Variants in CLIC6 observed in about 807,000 individuals in gnomAD.
CLIC6 encodes CLIC family member 6.
CLIC6 carries 39 observed loss-of-function variants against 49.2 expected under a neutral mutation model. The observed-to-expected ratio is 0.79, with a 90% CI of 0.61 to 1.04. The LOEUF (loss-of-function observed/expected upper bound fraction) is 1.04, where lower values mean the gene tolerates loss of function less well. Ranked by LOEUF, CLIC6 falls within the 50% of genes least tolerant of loss-of-function variation. The pLI is 0.00. For synonymous variants in CLIC6, 446 were observed against 433.4 expected, an observed-to-expected ratio of 1.03 and a Z score of -0.36; for missense variants, 988 against 993.1, an observed-to-expected ratio of 0.99 and a Z score of 0.07.
intron 5 of CLIC6, among the ~76,000 whole-genome samples, chr21:34,712,437 G>A (rs147876988): frequency 8.5e-5 from 13 of 152,272 alleles, no homozygotes; most frequent in East Asian, 3.9e-4. Flanking sequence ...ATGTTTCTCC[G>A]TATCTTTAGC....
At chr21:34,680,272 C>T (rs1989752293) in intron 1 of CLIC6, among the ~76,000 whole-genome samples, 1 of 152,208 alleles carries the variant, frequency 6.6e-6, no homozygotes, top group African/African-American at 2.4e-5. Flanking sequence ...CTGAGTTGTA[C>T]CTCGGCCCCT....
intron 5 of CLIC6, among the ~76,000 whole-genome samples, chr21:34,715,685 A>G (rs1351559422): frequency 6.6e-6 from 1 of 152,220 alleles, no homozygotes; most frequent in Non-Finnish European, 1.5e-5. Flanking sequence ...TAGAGGAAGT[A>G]TCTCACACTG....
chr21:34,706,704 C>T (rs1318998658), intron 1 of CLIC6, among the ~76,000 whole-genome samples: 1 of 152,226 alleles, frequency 6.6e-6, no homozygotes, highest in Non-Finnish European at 1.5e-5. Context: ...GTCTTTCTCT[C>T]AACATTGTGT....
At chr21:34,673,419 C>T (rs1017148301) in intron 1 of CLIC6, among the ~76,000 whole-genome samples, 3 of 152,082 alleles carry the variant, frequency 2.0e-5, no homozygotes, top group South Asian at 2.1e-4. Context: ...CCTCCTGAGT[C>T]GCTGAGACTA....
rs1465375892 is a variant in CLIC6, at chr21:34,717,706, T to C, written c.*1224T>C. ...AGGACCTCACAGGAGCTGAGACTTA[T>C]CAGCCAGAATGTGTTCTTCGGACAG... is the stretch of plus-strand genomic sequence containing the variant. On this transcript the variant is annotated 3_prime_UTR_variant, in exon 6 of 6. Coordinates refer to ENST00000349499, the MANE Select transcript of CLIC6 (RefSeq NM_053277.3). 6.6e-6 allele frequency: 1 copy of C among 152,216 alleles called. No individual in the cohort carries two copies. Among genetic ancestry groups the C allele is most frequent in the South Asian group, 2.1e-4 (1 of 4,830 alleles). The allele number at this position is 152,216 out of a possible 1,614,324, so 9.4% of individuals were successfully genotyped here.
chr21:34,683,534 T>C (rs1989820461), intron 1 of CLIC6, among the ~76,000 whole-genome samples: 1 of 152,196 alleles, frequency 6.6e-6, no homozygotes, highest in Non-Finnish European at 1.5e-5. Context: ...GGGAGGGTGA[T>C]ATGGTTTGGC....
chr21:34,683,866 T>C (rs765568439), intron 1 of CLIC6, among the ~76,000 whole-genome samples: 6 of 152,208 alleles, frequency 3.9e-5, no homozygotes, highest in Non-Finnish European at 5.9e-5. Context: ...GTTTTTATAG[T>C]AGTGTGAAAG....
rs755834071 is a variant in CLIC6 at position 34,670,718 on chromosome 21, C to T, written c.1330C>T (p.Pro444Ser). The change falls in exon 1 of 6, where the codon CCC becomes TCC. Residue 444 changes from proline to serine, a missense_variant. By Grantham distance (74) the Pro-to-Ser change is moderately conservative. Transcript: ENST00000349499. ...CCGGGAGGACGGAGAGGCGTCCGAG[C>T]CCCGGGCCCTGGGGCAGGAGCACGA... ...GRREDGEASE[P>S]RALGQEHDIT... 2.5e-6 allele frequency: 4 copies of T among 1,598,856 alleles called. No individual in the cohort carries two copies. Among genetic ancestry groups the T allele is most frequent in the South Asian group, 1.1e-5 (1 of 89,648 alleles).
intron 2 of CLIC6, 145 bp downstream of exon 2, chr21:34,707,534 T>C: frequency 1.5e-6 from 1 of 652,318 alleles, no homozygotes; most frequent in South Asian, 1.9e-5. Flanking sequence ...GAAGCCCACA[T>C]GTGGGCCAAG....
At chr21:34,715,841 A>G (rs970193347) in intron 5 of CLIC6, among the ~76,000 whole-genome samples, 1 of 152,246 alleles carries the variant, frequency 6.6e-6, no homozygotes, top group African/African-American at 2.4e-5. Context: ...TAGTGGCAGC[A>G]TGATGGCATT....
At chr21:34,672,133 A>T (rs566254815) in intron 1 of CLIC6, among the ~76,000 whole-genome samples, 2 of 152,348 alleles carry the variant, frequency 1.3e-5, no homozygotes, top group South Asian at 4.1e-4. Context: ...TCCCTGTTTC[A>T]GTTCTCTGTC....
chr21:34,692,006 C>G (rs1227925816), intron 1 of CLIC6, among the ~76,000 whole-genome samples: 2 of 152,142 alleles, frequency 1.3e-5, no homozygotes, highest in Non-Finnish European at 2.9e-5. Context: ...CATTTGAATA[C>G]TAGGATACTT....
In CLIC6 at chr21:34,669,733, C is replaced by T. The variant is rs139579211; in HGVS notation, c.345C>T (p.Arg115=). ...AQQVEGASPG[R]GAQGEPRGEA... is the part of the protein sequence containing the mutation. ...AGGTGGAGGGGGCGAGCCCGGGACG[C>T]GGCGCGCAGGGCGAGCCCCGCGGGG... Residue 115 remains arginine, a synonymous_variant, in exon 1 of 6, where the codon CGC becomes CGT. Transcript: ENST00000349499. The T allele has an allele frequency of 7.2e-6, 10 of 1,382,858 alleles. No individual in the cohort carries two copies. The highest frequency in any genetic ancestry group is 2.7e-4 in the Middle Eastern group (1 of 3,754). The allele number at this position is 1,382,858 out of a possible 1,614,324, so 85.7% of individuals were successfully genotyped here. A position where few individuals can be genotyped will look rare whatever the true frequency, so the allele number is the denominator to read the frequency against.
chr21:34,669,420 C>A lies in CLIC6; in HGVS notation c.32C>A (p.Ala11Asp). 1 of 1,235,314 alleles carries A rather than the reference C, an allele frequency of 8.1e-7. No homozygotes were observed. Among genetic ancestry groups the A allele is most frequent in the Non-Finnish European group, 1.0e-6 (1 of 990,110 alleles). The allele number at this position is 1,235,314 out of a possible 1,614,324, so 76.5% of individuals were successfully genotyped here. The part of the protein sequence containing the change: MAEAAEPEGV[A>D]PGPQGPPEVP... ...GAGGCCGCGGAGCCGGAGGGGGTTG[C>A]CCCGGGTCCCCAGGGGCCGCCGGAG... is the stretch of plus-strand genomic sequence containing the variant. Residue 11 changes from alanine (A) to aspartate (D), a missense_variant, in exon 1 of 6, where the codon GCC becomes GAC. Ala to Asp is a moderately radical substitution (Grantham distance 126). Transcript: ENST00000349499.
Position 34,708,680 on chromosome 21 carries a change from C to T in CLIC6, c.1611-20C>T. 2 of 1,545,612 alleles carry T rather than the reference C, an allele frequency of 1.3e-6. No homozygotes were observed. The highest frequency in any genetic ancestry group is 1.8e-6 in the Non-Finnish European group (2 of 1,117,902). The stretch of plus-strand genomic sequence containing the variant: ...TAAAACATCACTTGTCTGTGATCCT[C>T]CAATTTTGAACTTTTCAAGGTATCC... On this transcript the variant is annotated intron_variant, in intron 3 of 5. Transcript: ENST00000349499.
At chr21:34,671,141 A>T (rs1568955305) in intron 1 of CLIC6, among the ~76,000 whole-genome samples, 1 of 84,798 alleles carries the variant, frequency 1.2e-5, no homozygotes, top group Non-Finnish European at 2.5e-5. Context: ...AAAAAAAAAA[A>T]AGAAGAAGAA....
chr21:34,716,547 A>G lies in CLIC6; in HGVS notation c.*65A>G. The G allele has an allele frequency of 7.3e-7, 1 of 1,372,848 alleles. No individual in the cohort carries two copies. The highest frequency in any genetic ancestry group is 1.9e-4 in the Middle Eastern group (1 of 5,296). 85.0% of individuals were successfully genotyped at this position (1,372,848 alleles called of 1,614,324 possible). A position where few individuals can be genotyped will look rare whatever the true frequency, so the allele number is the denominator to read the frequency against. On this transcript the variant is annotated 3_prime_UTR_variant, in exon 6 of 6. Transcript: ENST00000349499. ...CAAGGATACGAAAACAGTGTGTTTG[A>G]AAACAAATTAGGTTTGGGTTCAATT...
chr21:34,703,436 G>A (rs770574049), intron 1 of CLIC6, among the ~76,000 whole-genome samples: 5 of 152,056 alleles, frequency 3.3e-5, no homozygotes, highest in South Asian at 2.1e-4. Context: ...TCATCGCCCC[G>A]TCAGGTCTGC....
At chr21:34,680,202 A>G (rs901514068) in intron 1 of CLIC6, among the ~76,000 whole-genome samples, 2 of 152,262 alleles carry the variant, frequency 1.3e-5, no homozygotes, top group Admixed American at 6.5e-5. Context: ...GTGCACCAGC[A>G]GGCCCAACAC....
Sources: allele counts gnomAD v4.1 joint callset (sites outside exome capture counted in the v4.1 genomes callset), GRCh38; gene constraint gnomAD v4.1.1; transcripts MANE v1.5; gene names NCBI Gene and HGNC (gene_info 2026-07-23, HGNC 2026-07-21).